FANCM: variants seen among roughly 807,000 people sequenced by gnomAD.
FANCM encodes FA complementation group M.
A neutral mutation model predicts 199.5 loss-of-function variants in FANCM; 140 were observed. That is an observed-to-expected ratio of 0.70 (90% CI 0.61 to 0.81). The LOEUF (loss-of-function observed/expected upper bound fraction) is 0.81, where lower values mean the gene tolerates loss of function less well. Ranked by LOEUF, FANCM falls within the 30% of genes least tolerant of loss-of-function variation. FANCM has a pLI of 0.00. For synonymous variants in FANCM, 840 were observed against 836.8 expected (o/e 1.00, Z -0.07); for missense variants, 2,410 against 2,421.4 (o/e 1.00, Z 0.10).
At chr14:45,190,911 C>G (rs2139303454) in intron 20 of FANCM, among the ~76,000 whole-genome samples, 1 of 152,278 alleles carries the variant, frequency 6.6e-6, no homozygotes, top group South Asian at 2.1e-4. Context: ...GGCTGGATTA[C>G]AGTGGCTATC....
At chr14:45,173,473 A>G (rs548685768) in intron 13 of FANCM, among the ~76,000 whole-genome samples, 1 of 152,300 alleles carries the variant, frequency 6.6e-6, no homozygotes, top group Admixed American at 6.5e-5. Flanking sequence ...TGTAAACCTT[A>G]TTTAGGATTC....
intron 8 of FANCM, among the ~76,000 whole-genome samples, chr14:45,157,965 G>C (rs1435445211): frequency 6.6e-6 from 1 of 152,128 alleles, no homozygotes; most frequent in East Asian, 1.9e-4. Context: ...GGGAGGCTGA[G>C]GTGGGCAGAT....
intron 13 of FANCM, 114 bp from the exon 14 acceptor site, chr14:45,174,957 C>T: frequency 1.6e-6 from 1 of 643,478 alleles, no homozygotes; most frequent in Non-Finnish European, 2.7e-6. Flanking sequence ...AAGAATATCA[C>T]TGGAACAATG....
chr14:45,176,467 G>A lies in FANCM; in HGVS notation c.3713G>A (p.Ser1238Asn). ...GTTACCTTTGATTTAGGATTCTGTA[G>A]TCCAGATTCTGATGATGAAATATTG... ...FSVTFDLGFC[S>N]PDSDDEILEH... Residue 1238 changes from serine to asparagine, a missense_variant, in exon 14 of 23, where the codon AGT (serine) becomes AAT (asparagine). Coordinates refer to ENST00000267430, the MANE Select transcript of FANCM (RefSeq NM_020937.4). 1 of 1,611,112 alleles carries A rather than the reference G, an allele frequency of 6.2e-7. No homozygotes were observed. The highest frequency in any genetic ancestry group is 1.3e-5 in the African/African-American group (1 of 74,860).
chr14:45,199,140 G>C (rs560757117), intron 22 of FANCM, among the ~76,000 whole-genome samples: 16 of 152,278 alleles, frequency 1.1e-4, no homozygotes, highest in African/African-American at 3.4e-4. Flanking sequence ...GAAAAAATAG[G>C]TGTAGGGATT....
chr14:45,174,470 A>G (rs1473787884), intron 13 of FANCM, among the ~76,000 whole-genome samples: 1 of 152,040 alleles, frequency 6.6e-6, no homozygotes, highest in Non-Finnish European at 1.5e-5. Flanking sequence ...TAGCATTCTT[A>G]GGGGAAAGGA....
intron 10 of FANCM, among the ~76,000 whole-genome samples, chr14:45,165,723 G>A (rs1887923651): frequency 6.6e-6 from 1 of 152,144 alleles, no homozygotes; most frequent in South Asian, 2.1e-4. Flanking sequence ...TGTAATATCA[G>A]TGAGTGGAAT....
chr14:45,137,590 G>A, intron 2 of FANCM: 1 of 287,960 alleles, frequency 3.5e-6, no homozygotes, highest in Non-Finnish European at 6.7e-6. Context: ...GATTGGTAGT[G>A]GATATGCGGT....
Position 45,181,695 on chromosome 14 carries a change from C to T in FANCM, c.4376C>T (p.Pro1459Leu), listed in dbSNP as rs774823033. The T allele has an allele frequency of 1.2e-6, 2 of 1,606,124 alleles. No individual in the cohort carries two copies. Among genetic ancestry groups the T allele is most frequent in the Admixed American group, 1.7e-5 (1 of 59,870 alleles). Residue 1459 changes from proline to leucine, a missense_variant, in exon 16 of 23, where the codon CCT (proline) becomes CTT (leucine). Physicochemically the swap from Pro to Leu is moderately conservative, Grantham distance 98. Transcript: ENST00000267430. ...CATGCTGTCAAAAAGCGCAGATTTC[C>T]TATAAACAGAGTAAGTAAATACCAG... is the stretch of plus-strand genomic sequence containing the variant. ...PLHAVKKRRF[P>L]INRSELSSSD...
In FANCM at chr14:45,191,593, G is replaced by T. The variant is rs185691703; in HGVS notation, c.5340+2231G>T. On this transcript the variant is annotated intron_variant, in intron 20 of 22. Coordinates refer to ENST00000267430, the MANE Select transcript of FANCM (RefSeq NM_020937.4). ...TGTCCTAACTAAAAAATAGATATAG[G>T]ATAGTGATACTTTGAAGAGGACTAT... Among the ~76,000 whole-genome samples the T allele has an allele frequency of 2.0e-5, 3 of 152,342 alleles. No homozygotes were observed. The East Asian group carries it at 5.8e-4, about 29-fold the overall frequency.
At position 45,175,332 on chromosome 14, in the gene FANCM, G is replaced by T. The variant is rs1383262366; in HGVS notation, c.2578G>T (p.Glu860Ter). 7.1e-6 allele frequency: 11 copies of T among 1,558,424 alleles called. No homozygotes were observed. Among genetic ancestry groups the T allele is most frequent in the Non-Finnish European group, 7.8e-6 (9 of 1,152,572 alleles). Reference sequence around the variant, plus strand: ...TTCTTTAAAGAAAAAAGTGTCTAAAGAAATAAAAAAAGATCAGCTTAAAAA... The same window carrying T: ...TTCTTTAAAGAAAAAAGTGTCTAAATAAATAAAAAAAGATCAGCTTAAAAA... ...IVSLKKKVSK[E>*]IKKDQLKKEN... Residue 860 changes from glutamate (E) to a stop codon, truncating the protein, a stop_gained, in exon 14 of 23, where the codon GAA becomes TAA. Transcript: ENST00000267430. LOFTEE classifies it high-confidence loss of function.
At chr14:45,187,205 A>C (rs1374546860) in intron 18 of FANCM, among the ~76,000 whole-genome samples, 1 of 149,042 alleles carries the variant, frequency 6.7e-6, no homozygotes, top group Non-Finnish European at 1.5e-5. Context: ...GTACAATTTC[A>C]AAGCTTTTTT....
rs778744393 is a variant in FANCM at position 45,166,959 on chromosome 14, C to T, written c.1798C>T (p.Gln600Ter). The T allele has an allele frequency of 2.0e-6, 3 of 1,522,778 alleles. No individual in the cohort carries two copies. Among genetic ancestry groups the T allele is most frequent in the Non-Finnish European group, 1.8e-6 (2 of 1,097,500 alleles). 94.3% of individuals were successfully genotyped at this position (1,522,778 alleles called of 1,614,324 possible). A position where few individuals can be genotyped will look rare whatever the true frequency, so the allele number is the denominator to read the frequency against. The change falls in exon 11 of 23, where the codon CAG becomes TAG. Residue 600 changes from glutamine to a stop codon, truncating the protein, a stop_gained. Transcript: ENST00000267430. LOFTEE classifies it high-confidence loss of function. ...CTATTTGTTTTTACAGATTTATAATCAGAGTCAGTCCAACAAAAGAAGTAT... is the reference window on the plus strand; with the variant it reads ...CTATTTGTTTTTACAGATTTATAATTAGAGTCAGTCCAACAAAAGAAGTAT... ...SEGREERIYN[Q>*]SQSNKRSIYK...
intron 8 of FANCM, among the ~76,000 whole-genome samples, chr14:45,157,578 G>A (rs368628403): frequency 6.6e-5 from 10 of 152,304 alleles, no homozygotes; most frequent in African/African-American, 2.2e-4. Context: ...GCTGAAAGGA[G>A]CTTTAGTGGA....
In FANCM at chr14:45,164,368, C is replaced by T. The variant is rs1447482674; in HGVS notation, c.1591C>T (p.Gln531Ter). 6.2e-7 allele frequency: 1 copy of T among 1,611,732 alleles called. No homozygotes were observed. The change falls in exon 10 of 23, where the codon CAG (glutamine) becomes TAG (stop). Residue 531 changes from glutamine (Q) to a stop codon, truncating the protein, a stop_gained. Transcript: ENST00000267430. LOFTEE classifies it high-confidence loss of function. ...TQKEQLEVVKQFRDGGYNTLV... is the reference protein window; with the variant it reads ...TQKEQLEVVK ...ATTGTTTTTATTTTAGGTAGTGAAACAGTTTCGTGACGGTGGTTACAACAC... is the reference window on the plus strand; with the variant it reads ...ATTGTTTTTATTTTAGGTAGTGAAATAGTTTCGTGACGGTGGTTACAACAC...
intron 3 of FANCM, among the ~76,000 whole-genome samples, chr14:45,142,544 G>A (rs1886051476): frequency 6.6e-6 from 1 of 151,910 alleles, no homozygotes; most frequent in South Asian, 2.1e-4. Flanking sequence ...CTGACCTCGT[G>A]ATCCACCCGC....
chr14:45,185,927 C>G (rs1889372127), intron 18 of FANCM, among the ~76,000 whole-genome samples: 4 of 152,232 alleles, frequency 2.6e-5, no homozygotes, highest in African/African-American at 9.6e-5. Flanking sequence ...GAGACAGAGT[C>G]TTACTCTGTT....
intron 8 of FANCM, among the ~76,000 whole-genome samples, chr14:45,155,947 G>A (rs945406459): frequency 2.0e-5 from 3 of 152,184 alleles, no homozygotes; most frequent in Non-Finnish European, 2.9e-5. Context: ...TAGGGCAAGG[G>A]TGGTGGTGGG....
chr14:45,198,939 T>C lies in FANCM; in HGVS notation c.6008+4T>C, dbSNP rs773985902. The C allele has an allele frequency of 1.3e-6, 2 of 1,595,204 alleles. No homozygotes were observed. The highest frequency in any genetic ancestry group is 1.1e-5 in the South Asian group (1 of 90,284). The stretch of plus-strand genomic sequence containing the variant: ...CTGTGAAAAGGATGGCTAACAGGTA[T>C]GTCTGTTGTAATATTTTTAAATGAT... On this transcript the variant is annotated splice_donor_region_variant and intron_variant, in intron 22 of 22. Coordinates refer to ENST00000267430, the MANE Select transcript of FANCM (RefSeq NM_020937.4).
Sources: gnomAD v4.1 joint callset for allele counts (sites outside exome capture counted in the v4.1 genomes callset) on GRCh38, gnomAD v4.1.1 for gene constraint, MANE v1.5 for transcripts, NCBI Gene and HGNC (gene_info 2026-07-23, HGNC 2026-07-21) for gene names.